The following PHACTR1 variants were observed in gnomAD, a reference collection of about 807,000 sequenced individuals.
PHACTR1 encodes the protein phosphatase and actin regulator 1.
In PHACTR1, 16 loss-of-function variants were observed where a neutral mutation model predicts 69.2. The observed-to-expected ratio is 0.23, with a 90% CI of 0.16 to 0.35. The LOEUF (loss-of-function observed/expected upper bound fraction) is 0.35. PHACTR1 is among the 10% of genes least tolerant of loss of function. The pLI is 1.00. For missense variants in PHACTR1, 510 were observed against 734.7 expected (o/e 0.69, Z 3.54); for synonymous variants, 312 against 284.5 (o/e 1.10, Z -0.97).
chr6:12,871,910 AC>A (rs1354029965), intron 4 of PHACTR1, among the ~76,000 whole-genome samples: 1 of 151,866 alleles, frequency 6.6e-6, no homozygotes. Context: ...ACATTTGGTT[AC>A]CCTGAAATAG....
Position 13,132,705 on chromosome 6 carries a change from C to T in PHACTR1, c.416-27499C>T, listed in dbSNP as rs562289590. Among the ~76,000 whole-genome samples the T allele has an allele frequency of 4.0e-5, 6 of 148,430 alleles. No individual in the cohort carries two copies. The South Asian group carries it at 1.3e-3, about 32-fold the overall frequency. On this transcript the variant is annotated intron_variant, in intron 5 of 14. Coordinates refer to ENST00000332995, the MANE Select transcript of PHACTR1 (RefSeq NM_030948.6). ...CATGTCCAAAAAACAATGTACATAC[C>T]TTAATTTAAAAATACCGTATTGCTA...
chr6:13,202,950 C>G (rs1289823497), intron 7 of PHACTR1, among the ~76,000 whole-genome samples: 1 of 152,212 alleles, frequency 6.6e-6, no homozygotes, highest in Non-Finnish European at 1.5e-5. Flanking sequence ...CAGGACAAGC[C>G]CTCAGGAATG....
intron 4 of PHACTR1, among the ~76,000 whole-genome samples, chr6:13,016,669 T>C (rs1800226705): frequency 6.6e-6 from 1 of 152,140 alleles, no homozygotes; most frequent in Admixed American, 6.5e-5. Context: ...TAACTAGTAT[T>C]AAAGATGTTT....
intron 7 of PHACTR1, among the ~76,000 whole-genome samples, chr6:13,183,652 G>A (rs1198994213): frequency 6.6e-6 from 1 of 152,124 alleles, no homozygotes. Flanking sequence ...GAGGGGAGGA[G>A]TCCCTTACAG....
chr6:13,014,644 G>A (rs1009375471), intron 4 of PHACTR1, among the ~76,000 whole-genome samples: 1 of 151,870 alleles, frequency 6.6e-6, no homozygotes, highest in African/African-American at 2.4e-5. Flanking sequence ...AATGACGCCT[G>A]TTTAGAGTAA....
chr6:12,757,575 G>T (rs1021539218), intron 4 of PHACTR1, among the ~76,000 whole-genome samples: 1 of 152,062 alleles, frequency 6.6e-6, no homozygotes, highest in African/African-American at 2.4e-5. Flanking sequence ...TCATCAGCGT[G>T]GTACAGCAGA....
At chr6:12,902,130 A>G (rs1178769058) in intron 4 of PHACTR1, among the ~76,000 whole-genome samples, 1 of 152,116 alleles carries the variant, frequency 6.6e-6, no homozygotes, top group African/African-American at 2.4e-5. Context: ...TGAGATTAAG[A>G]ACCTGCTATA....
chr6:12,820,070 G>A (rs1255935668), intron 4 of PHACTR1, among the ~76,000 whole-genome samples: 1 of 152,210 alleles, frequency 6.6e-6, no homozygotes. Flanking sequence ...CGATTTGGAG[G>A]AATGGGATGG....
At chr6:13,144,468 A>G (rs1822982617) in intron 5 of PHACTR1, among the ~76,000 whole-genome samples, 1 of 152,204 alleles carries the variant, frequency 6.6e-6, no homozygotes, top group African/African-American at 2.4e-5. Context: ...TAAAATGAAG[A>G]GATGGAGCAT....
At chr6:13,018,388 C>T (rs1465279836) in intron 4 of PHACTR1, among the ~76,000 whole-genome samples, 1 of 152,098 alleles carries the variant, frequency 6.6e-6, no homozygotes, top group Non-Finnish European at 1.5e-5. Flanking sequence ...CCTCTGCTTG[C>T]TGGCTGGGTG....
At chr6:13,154,558 A>G (rs1240563518) in intron 5 of PHACTR1, among the ~76,000 whole-genome samples, 5 of 152,192 alleles carry the variant, frequency 3.3e-5, no homozygotes, top group African/African-American at 7.2e-5. Flanking sequence ...ATTTTTTTAT[A>G]TAAAAATAAT....
intron 4 of PHACTR1, among the ~76,000 whole-genome samples, chr6:13,020,793 T>C (rs961488005): frequency 6.6e-6 from 1 of 152,158 alleles, no homozygotes; most frequent in Non-Finnish European, 1.5e-5. Context: ...TACATGTTCG[T>C]TTATTATGGA....
At chr6:12,994,877 T>C (rs1797241053) in intron 4 of PHACTR1, among the ~76,000 whole-genome samples, 1 of 152,126 alleles carries the variant, frequency 6.6e-6, no homozygotes, top group Admixed American at 6.5e-5. Flanking sequence ...TACTTACATA[T>C]GTTTATTAGA....
chr6:13,005,210 G>C (rs1056655337), intron 4 of PHACTR1, among the ~76,000 whole-genome samples: 1 of 145,848 alleles, frequency 6.9e-6, no homozygotes, highest in Non-Finnish European at 1.5e-5. Context: ...TTTTTTTTTA[G>C]ACAAGTTCTC....
chr6:13,069,257 A>G (rs1299769077), intron 5 of PHACTR1, among the ~76,000 whole-genome samples: 2 of 152,106 alleles, frequency 1.3e-5, no homozygotes, highest in Non-Finnish European at 2.9e-5. Context: ...CAGTCCTCGC[A>G]CTGTTTCTGC....
At chr6:13,133,416 G>A (rs926871418) in intron 5 of PHACTR1, among the ~76,000 whole-genome samples, 2 of 151,656 alleles carry the variant, frequency 1.3e-5, no homozygotes, top group Non-Finnish European at 2.9e-5. Context: ...GCCTCAGCCT[G>A]CCGAGTCCCT....
chr6:12,933,835 A>T, intron 4 of PHACTR1: 1 of 1,612,794 alleles, frequency 6.2e-7, no homozygotes, highest in South Asian at 1.1e-5. Flanking sequence ...GCCCTGTTCA[A>T]GGAGCTAAGA....
intron 10 of PHACTR1, among the ~76,000 whole-genome samples, chr6:13,255,614 C>G (rs1177767748): frequency 6.6e-6 from 1 of 152,166 alleles, no homozygotes. Flanking sequence ...TACTTCCATT[C>G]AAAAAGGGAG....
chr6:12,852,034 C>A (rs940389329), intron 4 of PHACTR1, among the ~76,000 whole-genome samples: 1 of 152,174 alleles, frequency 6.6e-6, no homozygotes, highest in Admixed American at 6.5e-5. Flanking sequence ...AGGGTTTTGC[C>A]ATGTTGGCCA....
Sources: gnomAD v4.1 joint callset for allele counts (sites outside exome capture counted in the v4.1 genomes callset) on GRCh38, gnomAD v4.1.1 for gene constraint, MANE v1.5 for transcripts, NCBI Gene and HGNC (gene_info 2026-07-23, HGNC 2026-07-21) for gene names.